The following ANXA4 variants were observed in gnomAD, a reference collection of about 807,000 sequenced individuals.
ANXA4 encodes the protein 35-beta calcimedin.
A neutral mutation model predicts 49.8 loss-of-function variants in ANXA4; 39 were observed. The observed-to-expected ratio is 0.78, with a 90% confidence interval of 0.61 to 1.02. The LOEUF is 1.02. Ranked by LOEUF, ANXA4 falls within the 50% of genes least tolerant of loss-of-function variation. The pLI, the probability that ANXA4 is intolerant of heterozygous loss-of-function variation, is 0.00. For synonymous variants in ANXA4, 134 were observed against 152.5 expected (o/e 0.88, Z 0.89); for missense variants, 360 against 410.1 (o/e 0.88, Z 1.05).
chr2:69,699,929 AG>A (rs1485421950), intron 2 of ANXA4, among the ~76,000 whole-genome samples: 1 of 152,240 alleles, frequency 6.6e-6, no homozygotes, highest in African/African-American at 2.4e-5. Flanking sequence ...TCGCCCCAGC[AG>A]GAAGGCAGCC....
intron 1 of ANXA4, among the ~76,000 whole-genome samples, chr2:69,775,036 C>T (rs529245770): frequency 2.0e-5 from 3 of 152,326 alleles, no homozygotes; most frequent in East Asian, 3.9e-4. Flanking sequence ...ACTCACACAA[C>T]CCATTTGAAT....
At chr2:69,802,768 G>A (rs1673267987) in intron 3 of ANXA4, among the ~76,000 whole-genome samples, 1 of 152,002 alleles carries the variant, frequency 6.6e-6, no homozygotes, top group African/African-American at 2.4e-5. Flanking sequence ...TGACTGGGGG[G>A]AAGAGTGATC....
At chr2:69,663,775 G>A (rs1414880482) in intron 2 of ANXA4, among the ~76,000 whole-genome samples, 1 of 152,104 alleles carries the variant, frequency 6.6e-6, no homozygotes, top group Non-Finnish European at 1.5e-5. Flanking sequence ...ATGTTAAGAA[G>A]ATAAAGTTAG....
chr2:69,716,627 G>A (rs1056601361), intron 2 of ANXA4, among the ~76,000 whole-genome samples: 1 of 152,114 alleles, frequency 6.6e-6, no homozygotes, highest in Admixed American at 6.5e-5. Flanking sequence ...GTTTTGAGAA[G>A]ATCACTCGGG....
At chr2:69,757,268 T>TATATATATATA (rs1559150598) in intron 1 of ANXA4, among the ~76,000 whole-genome samples, 1 of 24,028 alleles carries the variant, frequency 4.2e-5, no homozygotes, top group African/African-American at 2.7e-4. Flanking sequence ...ATATATATAT[T>TATATATATATA]TTTTTTTTTT....
chr2:69,781,410 G>T (rs1471834329), intron 1 of ANXA4, 110 bp from the exon 2 acceptor site: 2 of 820,620 alleles, frequency 2.4e-6, no homozygotes, highest in African/African-American at 1.7e-5. Flanking sequence ...TGATTAAGTT[G>T]GGTGTCATTT....
chr2:69,649,989 G>A (rs761710328), intron 1 of ANXA4, among the ~76,000 whole-genome samples: 7 of 126,316 alleles, frequency 5.5e-5, no homozygotes, highest in Admixed American at 9.9e-5. Flanking sequence ...ATGCCGGAGT[G>A]TAATGGCACA....
intron 3 of ANXA4, among the ~76,000 whole-genome samples, chr2:69,795,641 C>T (rs1415822153): frequency 1.3e-5 from 2 of 152,142 alleles, no homozygotes; most frequent in Non-Finnish European, 2.9e-5. Context: ...ATTTTTAAGG[C>T]GGATCTGAAC....
At position 69,743,004 on chromosome 2, in the gene ANXA4, C is replaced by G. The variant is rs187973122; in HGVS notation, c.-47+829C>G. ...CCCCTTCCACTCCCTACTGTTTGCC[C>G]TTTAATTTTTTGTTTTGTTTTGTTT... On this transcript the variant is annotated intron_variant, in intron 1 of 12. Coordinates refer to ENST00000394295, the MANE Select transcript of ANXA4 (RefSeq NM_001153.5). Among the ~76,000 whole-genome samples, 467 of 152,230 alleles carry G rather than the reference C, an allele frequency of 3.1e-3. 5 individuals carry two copies. The highest frequency in any genetic ancestry group is 8.8e-3 in the Admixed American group (135 of 15,296).
rs189274295 is a variant in ANXA4, at chr2:69,662,652, T to A, written n.766+9370T>A. On this transcript the variant is annotated intron_variant and non_coding_transcript_variant, in intron 2 of 3. Transcript: ENST00000418066. ...GATGGAGAATTTGGAATACTTTTCTTTGGGGACTCTAAGAGGAAAGACCTG... is the reference window on the plus strand; with the variant it reads ...GATGGAGAATTTGGAATACTTTTCTATGGGGACTCTAAGAGGAAAGACCTG... 7.9e-5 allele frequency among the ~76,000 whole-genome samples: 12 copies of A among 152,192 alleles called. No homozygotes were observed. The East Asian group carries it at 2.1e-3, about 27-fold the overall frequency.
intron 12 of ANXA4, among the ~76,000 whole-genome samples, 193 bp downstream of exon 12, chr2:69,821,014 C>T (rs1047680294): frequency 2.1e-4 from 32 of 152,158 alleles, no homozygotes; most frequent in African/African-American, 7.5e-4. Context: ...TGGAAATTTG[C>T]CTTCTAAATA....
chr2:69,717,795 C>T (rs1669689470), intron 2 of ANXA4, among the ~76,000 whole-genome samples: 1 of 152,178 alleles, frequency 6.6e-6, no homozygotes, highest in Admixed American at 6.5e-5. Flanking sequence ...GTTTCAGGCA[C>T]TAACTAAACT....
intron 1 of ANXA4, among the ~76,000 whole-genome samples, chr2:69,742,894 T>C (rs918467623): frequency 2.0e-5 from 3 of 152,228 alleles, no homozygotes; most frequent in Non-Finnish European, 4.4e-5. Flanking sequence ...ATCTGCTCTC[T>C]CCTGCTGACA....
rs187492712 is a variant in ANXA4, at chr2:69,788,140, C to T, written c.96C>T (p.Leu32=). The T allele has an allele frequency of 9.1e-5, 147 of 1,613,140 alleles. No individual in the cohort carries two copies. The highest frequency in any genetic ancestry group is 1.7e-4 in the Admixed American group (10 of 60,002). Residue 32 remains leucine, a splice_region_variant and synonymous_variant, in exon 3 of 13, where the codon CTC becomes CTT. Coordinates refer to ENST00000394295, the MANE Select transcript of ANXA4 (RefSeq NM_001153.5). Reference sequence around the variant, plus strand: ...CCCTGAGGAAGGCCATGAAAGGGCTCGGTATGTGTCCTGCTGGAAGTGAAT... The same window carrying T: ...CCCTGAGGAAGGCCATGAAAGGGCTTGGTATGTGTCCTGCTGGAAGTGAAT... ...AQTLRKAMKG[L]GTDEDAIISV...
chr2:69,740,049 G>C (rs1292206854), upstream of ANXA4, among the ~76,000 whole-genome samples: 1 of 152,208 alleles, frequency 6.6e-6, no homozygotes, highest in Admixed American at 6.5e-5. Context: ...GGCTTCCTCA[G>C]TCTGGTCTGA....
intron 9 of ANXA4, 63 bp from the exon 10 acceptor site, chr2:69,818,536 T>G (rs1423408027): frequency 9.5e-7 from 1 of 1,048,114 alleles, no homozygotes; most frequent in East Asian, 2.5e-5. Flanking sequence ...GCTCATTCTC[T>G]CCATAAATTT....
intron 2 of ANXA4, among the ~76,000 whole-genome samples, chr2:69,714,408 C>T (rs533409112): frequency 3.3e-5 from 5 of 152,338 alleles, no homozygotes; most frequent in African/African-American, 4.8e-5. Flanking sequence ...AGCACCTACT[C>T]CTGGCAACCG....
intron 2 of ANXA4, among the ~76,000 whole-genome samples, chr2:69,702,103 C>T (rs1678347015): frequency 6.6e-6 from 1 of 152,064 alleles, no homozygotes. Flanking sequence ...CCTCCACCTC[C>T]TGGGTTCAAG....
intron 2 of ANXA4, among the ~76,000 whole-genome samples, chr2:69,681,979 A>G (rs1454264537): frequency 6.6e-6 from 1 of 152,020 alleles, no homozygotes; most frequent in Non-Finnish European, 1.5e-5. Context: ...TGGGACCACA[A>G]TTGTGCACCA....
Sources: allele counts gnomAD v4.1 joint callset (sites outside exome capture counted in the v4.1 genomes callset), GRCh38; gene constraint gnomAD v4.1.1; transcripts MANE v1.5; gene names NCBI Gene and HGNC (gene_info 2026-07-23, HGNC 2026-07-21).